The following EPM2A variants were observed in gnomAD, a reference collection of about 807,000 sequenced individuals.
EPM2A encodes the protein EPM2A glucan phosphatase, laforin, also known as laforin.
A neutral mutation model predicts 26.5 loss-of-function variants in EPM2A; 21 were observed. That is an observed-to-expected ratio of 0.79 (90% CI 0.56 to 1.14). The LOEUF is 1.14. EPM2A is among the 50% of genes most tolerant of loss of function. EPM2A has a pLI of 0.00. For synonymous variants in EPM2A, 217 were observed against 177.6 expected (o/e 1.22, Z -1.76); for missense variants, 458 against 440.8 (o/e 1.04, Z -0.35).
intron 2 of EPM2A, among the ~76,000 whole-genome samples, chr6:145,563,234 C>T (rs1257337279): frequency 6.6e-6 from 1 of 151,408 alleles, no homozygotes; most frequent in African/African-American, 2.4e-5. Flanking sequence ...TATTGGCTTG[C>T]CCAGAGGAGT....
chr6:145,462,491 C>T (rs928033942), intron 4 of EPM2A, among the ~76,000 whole-genome samples: 3 of 152,068 alleles, frequency 2.0e-5, no homozygotes, highest in African/African-American at 4.8e-5. Context: ...CTTACTTATC[C>T]GTAAGCATTT....
intron 4 of EPM2A, chr6:145,489,498 C>G (rs2294457): frequency 0.018 from 10,278 of 563,540 alleles, 142 homozygotes; most frequent in Admixed American, 0.039. Flanking sequence ...TTTGTTTCAA[C>G]AAAAACAATT....
At chr6:145,453,622 A>G (rs561632854) in intron 4 of EPM2A, among the ~76,000 whole-genome samples, 4 of 152,278 alleles carry the variant, frequency 2.6e-5, no homozygotes, top group South Asian at 4.1e-4. Context: ...TGAGGAAACT[A>G]TTTCCTTTTT....
chr6:145,455,724 A>G (rs1240334218), intron 4 of EPM2A, among the ~76,000 whole-genome samples: 1 of 152,214 alleles, frequency 6.6e-6, no homozygotes, highest in African/African-American at 2.4e-5. Flanking sequence ...AAATATTTTA[A>G]TGTTAGTGAA....
chr6:145,469,014 A>G (rs910786501), intron 4 of EPM2A, among the ~76,000 whole-genome samples: 26 of 152,178 alleles, frequency 1.7e-4, no homozygotes, highest in African/African-American at 5.8e-4. Flanking sequence ...CCATTTTCAT[A>G]CAGCTATAAA....
chr6:145,666,717 G>A (rs1779226301), intron 2 of EPM2A, among the ~76,000 whole-genome samples: 1 of 146,078 alleles, frequency 6.8e-6, no homozygotes, highest in Non-Finnish European at 1.5e-5. Flanking sequence ...TCAATCCTAA[G>A]CCAAAAGAAC....
chr6:145,427,466 G>A (rs1723429867), intron 4 of EPM2A, among the ~76,000 whole-genome samples: 1 of 152,136 alleles, frequency 6.6e-6, no homozygotes. Context: ...CCTGAGGGAT[G>A]TGGTAAGAGA....
intron 2 of EPM2A, among the ~76,000 whole-genome samples, chr6:145,647,650 TTA>T (rs1424671546): frequency 6.6e-6 from 1 of 151,316 alleles, no homozygotes; most frequent in Non-Finnish European, 1.5e-5. Flanking sequence ...CAGCATATAG[TTA>T]TAAGCAAATA....
intron 2 of EPM2A, among the ~76,000 whole-genome samples, chr6:145,653,203 C>A (rs143024879): frequency 6.6e-6 from 1 of 152,164 alleles, no homozygotes; most frequent in South Asian, 2.1e-4. Context: ...GTAATCCCCA[C>A]GTATTGATGG....
At chr6:145,547,533 A>C (rs146322552) in intron 2 of EPM2A, among the ~76,000 whole-genome samples, 19 of 152,274 alleles carry the variant, frequency 1.2e-4, no homozygotes, top group Admixed American at 2.6e-4. Flanking sequence ...AGCACATTCT[A>C]CAAGAAAAAC....
intron 2 of EPM2A, among the ~76,000 whole-genome samples, chr6:145,562,190 C>T (rs1780816087): frequency 6.8e-6 from 1 of 147,268 alleles, no homozygotes; most frequent in Non-Finnish European, 1.5e-5. Context: ...AAGTAATTAA[C>T]ATATGCATTA....
At chr6:145,665,705 C>T (rs1429031713) in intron 2 of EPM2A, among the ~76,000 whole-genome samples, 7 of 137,318 alleles carry the variant, frequency 5.1e-5, no homozygotes, top group Non-Finnish European at 7.8e-5. Context: ...GGCAGAGACA[C>T]AACCAAAAAA....
At chr6:145,718,628 A>T (rs374335542) in intron 1 of EPM2A, among the ~76,000 whole-genome samples, 31 of 152,228 alleles carry the variant, frequency 2.0e-4, no homozygotes, top group South Asian at 6.2e-4. Flanking sequence ...TGGGATCTAA[A>T]TAAACTAAAG....
chr6:145,452,966 CT>C (rs1255718318), intron 4 of EPM2A, among the ~76,000 whole-genome samples: 1 of 152,114 alleles, frequency 6.6e-6, no homozygotes, highest in Admixed American at 6.5e-5. Context: ...TGACATAAGG[CT>C]TTTGTTGAAC....
At chr6:145,688,874 A>G (rs918914108) in intron 1 of EPM2A, among the ~76,000 whole-genome samples, 3 of 152,206 alleles carry the variant, frequency 2.0e-5, no homozygotes, top group Non-Finnish European at 2.9e-5. Flanking sequence ...CTTCTAGGAA[A>G]TGGAATTGGA....
At chr6:145,510,488 G>C (rs1562363912) in intron 2 of EPM2A, among the ~76,000 whole-genome samples, 1 of 152,052 alleles carries the variant, frequency 6.6e-6, no homozygotes, top group Non-Finnish European at 1.5e-5. Context: ...GCTCCTGAAT[G>C]ACTTTTCAGT....
intron 2 of EPM2A, among the ~76,000 whole-genome samples, chr6:145,611,167 G>GT (rs1484150883): frequency 6.6e-6 from 1 of 152,014 alleles, no homozygotes; most frequent in Non-Finnish European, 1.5e-5. Flanking sequence ...CTTTATGAAA[G>GT]TAATTCCTAG....
intron 4 of EPM2A, among the ~76,000 whole-genome samples, chr6:145,444,264 G>C (rs1056586846): frequency 2.5e-4 from 38 of 152,034 alleles, no homozygotes; most frequent in African/African-American, 8.7e-4. Context: ...ATTATTTTGA[G>C]GTATGTTCCT....
At chr6:145,518,326 C>A (rs1179539776) in intron 2 of EPM2A, among the ~76,000 whole-genome samples, 1 of 152,052 alleles carries the variant, frequency 6.6e-6, no homozygotes, top group Non-Finnish European at 1.5e-5. Flanking sequence ...TTATTTTGGG[C>A]ACCTTAATTT....
Sources: gnomAD v4.1 joint callset for allele counts (sites outside exome capture counted in the v4.1 genomes callset) on GRCh38, gnomAD v4.1.1 for gene constraint, MANE v1.5 for transcripts, NCBI Gene and HGNC (gene_info 2026-07-23, HGNC 2026-07-21) for gene names.